Variants in RP1 observed in about 807,000 individuals in gnomAD.
The protein encoded by RP1 is oxygen-regulated protein 1.
In RP1, 16 loss-of-function variants were observed where a neutral mutation model predicts 14.8. The ratio of observed to expected loss-of-function variants is 1.08; its 90% confidence interval spans 0.73 to 1.65. The LOEUF (loss-of-function observed/expected upper bound fraction) is 1.65. Ranked by LOEUF, RP1 falls within the 40% of genes most tolerant of loss-of-function variation. RP1 has a pLI of 0.00. For synonymous variants in RP1, 876 were observed against 883.6 expected, an observed-to-expected ratio of 0.99 and a Z score of 0.15; for missense variants, 2,631 against 2,535.0, an observed-to-expected ratio of 1.04 and a Z score of -0.81.
At chr8:54,707,158 A>G (rs1348891834) in intron 15 of RP1, among the ~76,000 whole-genome samples, 3 of 152,148 alleles carry the variant, frequency 2.0e-5, no homozygotes, top group Non-Finnish European at 4.4e-5. Flanking sequence ...TTATTTTTAG[A>G]GACAGAGTCT....
At chr8:54,567,481 G>A (rs958861403) in intron 1 of RP1, among the ~76,000 whole-genome samples, 4 of 152,144 alleles carry the variant, frequency 2.6e-5, no homozygotes, top group Non-Finnish European at 5.9e-5. Flanking sequence ...AAAAATATAG[G>A]TAAGCAGGCT....
At chr8:54,735,781 T>C (rs1321204802) in intron 18 of RP1, among the ~76,000 whole-genome samples, 1 of 152,230 alleles carries the variant, frequency 6.6e-6, no homozygotes, top group Non-Finnish European at 1.5e-5. Context: ...GAATTCAGAA[T>C]GTGTATGTAT....
At chr8:54,795,735 A>G (rs527672333) in intron 24 of RP1, among the ~76,000 whole-genome samples, 1 of 152,264 alleles carries the variant, frequency 6.6e-6, no homozygotes, top group African/African-American at 2.4e-5. Flanking sequence ...GGACTTGATC[A>G]TATCCTCCTC....
intron 1 of RP1, among the ~76,000 whole-genome samples, chr8:54,582,323 C>A (rs1804814363): frequency 6.6e-6 from 1 of 151,986 alleles, no homozygotes; most frequent in African/African-American, 2.4e-5. Flanking sequence ...AGATATGCGG[C>A]ATTATTTCTG....
At chr8:54,778,727 G>A (rs1810106816) in intron 23 of RP1, among the ~76,000 whole-genome samples, 1 of 152,152 alleles carries the variant, frequency 6.6e-6, no homozygotes, top group Admixed American at 6.6e-5. Flanking sequence ...TTTAGTCCAA[G>A]TCCTGGAGGA....
intron 26 of RP1, chr8:54,852,793 C>A: frequency 8.6e-7 from 1 of 1,158,142 alleles, no homozygotes; most frequent in Non-Finnish European, 1.1e-6. Context: ...TTAACAAAAA[C>A]ACACACAAAC....
chr8:54,761,080 C>T (rs1809626863), intron 22 of RP1, among the ~76,000 whole-genome samples: 1 of 152,140 alleles, frequency 6.6e-6, no homozygotes, highest in Non-Finnish European at 1.5e-5. Flanking sequence ...CCAGGACTTT[C>T]ATCTTATGTT....
chr8:54,841,805 A>ATATTT (rs1811796929), intron 25 of RP1, among the ~76,000 whole-genome samples: 1 of 152,166 alleles, frequency 6.6e-6, no homozygotes, highest in African/African-American at 2.4e-5. Context: ...GCCTTGCCAC[A>ATATTT]TATTCTGGCT....
chr8:54,625,588 C>G lies in RP1; in HGVS notation c.1706C>G (p.Thr569Ser), dbSNP rs139471370. The part of the protein sequence containing the change: ...EMSHNNGLPS[T>S]ISNNSIVEED... ...TCACATAATAATGGTTTGCCATCAA[C>G]TATATCAAATAACTCAATTGTGGAG... is the stretch of plus-strand genomic sequence containing the variant. Residue 569 changes from threonine (T) to serine (S), a missense_variant, in exon 4 of 4, where the codon ACT becomes AGT. Physicochemically the swap from Thr to Ser is moderately conservative, Grantham distance 58 (BLOSUM62 1). Transcript: ENST00000220676. 6.2e-7 allele frequency: 1 copy of G among 1,614,072 alleles called. No homozygotes were observed. Among genetic ancestry groups the G allele is most frequent in the Non-Finnish European group, 8.5e-7 (1 of 1,179,998 alleles).
intron 24 of RP1, among the ~76,000 whole-genome samples, chr8:54,797,764 T>C (rs1232830140): frequency 6.6e-6 from 1 of 152,104 alleles, no homozygotes; most frequent in East Asian, 1.9e-4. Flanking sequence ...ATTATAGTAT[T>C]TATGTATTTC....
At position 54,630,274 on chromosome 8, in the gene RP1, A is replaced by C. The variant is rs1464827877; in HGVS notation, c.6392A>C (p.Glu2131Ala). The C allele has an allele frequency of 3.7e-6, 6 of 1,613,726 alleles. No individual in the cohort carries two copies. Among genetic ancestry groups the C allele is most frequent in the Non-Finnish European group, 5.1e-6 (6 of 1,179,842 alleles). The change falls in exon 4 of 4, where the codon GAA becomes GCA. Residue 2131 changes from glutamate (E) to alanine (A), a missense_variant. Transcript: ENST00000220676. ...NILELCMFEGENLFIWEEEDI... is the reference protein window; with the variant it reads ...NILELCMFEGANLFIWEEEDI... ...TTAGAACTTTGTATGTTTGAGGGTG[A>C]AAATCTTTTCATTTGGGAAGAGGAA...
At chr8:54,687,133 G>C (rs1044310899) in intron 12 of RP1, among the ~76,000 whole-genome samples, 1 of 151,800 alleles carries the variant, frequency 6.6e-6, no homozygotes, top group Admixed American at 6.6e-5. Context: ...TCAATTCCTA[G>C]AAAGAATCAG....
At chr8:54,850,920 A>G (rs1812045467) in intron 25 of RP1, among the ~76,000 whole-genome samples, 1 of 152,202 alleles carries the variant, frequency 6.6e-6, no homozygotes, top group Admixed American at 6.5e-5. Flanking sequence ...TTCATCTCCC[A>G]ATTTAAACTA....
At chr8:54,836,520 A>G (rs1811659808) in intron 24 of RP1, among the ~76,000 whole-genome samples, 1 of 152,192 alleles carries the variant, frequency 6.6e-6, no homozygotes, top group African/African-American at 2.4e-5. Flanking sequence ...CAAACGTAAG[A>G]AGGGTTTGAT....
chr8:54,748,055 T>C (rs1434991054), intron 19 of RP1, among the ~76,000 whole-genome samples: 2 of 152,232 alleles, frequency 1.3e-5, no homozygotes, highest in Admixed American at 6.5e-5. Context: ...AAGTGGGTCA[T>C]AGGTTTTGGT....
chr8:54,864,862 A>G (rs1210507315), intron 27 of RP1, among the ~76,000 whole-genome samples: 1 of 152,144 alleles, frequency 6.6e-6, no homozygotes, highest in African/African-American at 2.4e-5. Context: ...CATGAATTTT[A>G]TTACCAGCTT....
intron 15 of RP1, among the ~76,000 whole-genome samples, chr8:54,716,800 C>G (rs1808415688): frequency 6.6e-6 from 1 of 152,180 alleles, no homozygotes. Context: ...TTGAGCATTT[C>G]TAATCCATCT....
intron 25 of RP1, among the ~76,000 whole-genome samples, chr8:54,849,946 T>A (rs1389907348): frequency 6.6e-6 from 1 of 152,176 alleles, no homozygotes. Context: ...TAGCTATCAA[T>A]TGAATTGGGT....
At chr8:54,868,712 T>C (rs1048372693) in intron 28 of RP1, among the ~76,000 whole-genome samples, 3 of 152,226 alleles carry the variant, frequency 2.0e-5, no homozygotes, top group African/African-American at 7.2e-5. Flanking sequence ...AAAATTGTTT[T>C]GTCAGAAAGT....
Sources: gnomAD v4.1 joint callset for allele counts (sites outside exome capture counted in the v4.1 genomes callset) on GRCh38, gnomAD v4.1.1 for gene constraint, MANE v1.5 for transcripts, NCBI Gene and HGNC (gene_info 2026-07-23, HGNC 2026-07-21) for gene names.